The following LAMA1 variants were observed in gnomAD, a reference collection of about 807,000 sequenced individuals.
LAMA1 encodes laminin subunit alpha-1.
Under a neutral mutation model 348.7 loss-of-function variants are expected in LAMA1, and 219 were observed. That is an observed-to-expected ratio of 0.63 (90% confidence interval 0.56 to 0.70). LAMA1 has a LOEUF of 0.70. Ranked by LOEUF, LAMA1 falls within the 30% of genes least tolerant of loss-of-function variation. LAMA1 has a pLI of 0.00. For missense variants in LAMA1, 3,744 were observed against 3,888.0 expected (o/e 0.96, Z 0.99); for synonymous variants, 1,487 against 1,491.0 (o/e 1.00, Z 0.06).
intron 55 of LAMA1, chr18:6,957,285 ACGTTT>A (rs1171664678): frequency 5.8e-6 from 1 of 171,120 alleles, no homozygotes; most frequent in African/African-American, 2.4e-5. Context: ...CTCCACAGAA[ACGTTT>A]CTGCTCTACC....
chr18:7,092,444 T>G (rs542433218), intron 1 of LAMA1, among the ~76,000 whole-genome samples: 1 of 152,136 alleles, frequency 6.6e-6, no homozygotes, highest in East Asian at 1.9e-4. Flanking sequence ...GCTAACATGG[T>G]GAAACCCCAT....
At chr18:7,102,536 A>T (rs1195517758) in intron 1 of LAMA1, among the ~76,000 whole-genome samples, 2 of 152,368 alleles carry the variant, frequency 1.3e-5, no homozygotes, top group East Asian at 3.9e-4. Context: ...GACTTCATGC[A>T]GTAGAAATGT....
At chr18:7,002,046 C>T (rs34760114) in intron 30 of LAMA1, among the ~76,000 whole-genome samples, 13,001 of 152,276 alleles carry the variant, frequency 0.085, 630 homozygotes, top group Middle Eastern at 0.13. Flanking sequence ...TCTTTAATTG[C>T]TTCCATCCAA....
In LAMA1 at chr18:6,993,621, C is replaced by G. The variant is rs745327037; in HGVS notation, c.5008+20G>C. On this transcript the variant is annotated intron_variant, in intron 35 of 62. Coordinates refer to ENST00000389658, the MANE Select transcript of LAMA1 (RefSeq NM_005559.4). Reference sequence around the variant, plus strand: ...ACTAGATAAGCACAGATACTTCAAACTAGACACTGCCCACACTACCTGTGA... The same window carrying G: ...ACTAGATAAGCACAGATACTTCAAAGTAGACACTGCCCACACTACCTGTGA... 2.0e-6 allele frequency: 3 copies of G among 1,526,226 alleles called. No individual in the cohort carries two copies. The South Asian group carries it at 3.4e-5, about 17-fold the overall frequency. 94.5% of individuals were successfully genotyped at this position (1,526,226 alleles called of 1,614,324 possible).
intron 3 of LAMA1, among the ~76,000 whole-genome samples, chr18:7,055,408 G>C (rs1018995958): frequency 3.7e-5 from 5 of 136,954 alleles, no homozygotes; most frequent in Non-Finnish European, 7.6e-5. Context: ...AGCCAAGATC[G>C]CACCACTGCA....
intron 62 of LAMA1, 88 bp from the exon 63 acceptor site, chr18:6,942,327 G>A (rs1269207337): frequency 1.6e-5 from 23 of 1,415,096 alleles, no homozygotes; most frequent in African/African-American, 2.9e-5. Flanking sequence ...AATCTCAAGC[G>A]GGTTTTTTTA....
At chr18:7,080,596 A>G in intron 1 of LAMA1, 139 bp from the exon 2 acceptor site, 1 of 877,778 alleles carries the variant, frequency 1.1e-6, no homozygotes, top group South Asian at 1.5e-5. Flanking sequence ...CAAACACCGT[A>G]TACGCAGCAT....
intron 1 of LAMA1, among the ~76,000 whole-genome samples, chr18:7,100,058 C>CAAAAAAAAAAAAAAAAAAAAAAAAA: frequency 1.3e-5 from 1 of 79,674 alleles, no homozygotes. Flanking sequence ...GACTTTGTCT[C>CAAAAAAAAAAAAAAAAAAAAAAAAA]AAAAAAAAAA....
At chr18:7,026,163 A>C in intron 16 of LAMA1, 57 bp from the exon 17 acceptor site, 1 of 1,584,870 alleles carries the variant, frequency 6.3e-7, no homozygotes, top group Non-Finnish European at 8.6e-7. Context: ...TTTCAGATTT[A>C]TCTATAAGCA....
At chr18:7,064,390 TC>T (rs1460587166) in intron 3 of LAMA1, among the ~76,000 whole-genome samples, 1 of 152,156 alleles carries the variant, frequency 6.6e-6, no homozygotes, top group Non-Finnish European at 1.5e-5. Flanking sequence ...AGGGGCCAAC[TC>T]CATAGAAACC....
intron 16 of LAMA1, among the ~76,000 whole-genome samples, chr18:7,027,909 C>G (rs1379132066): frequency 6.6e-6 from 1 of 152,232 alleles, no homozygotes; most frequent in South Asian, 2.1e-4. Flanking sequence ...CGTGACTGCA[C>G]TCCAGCCTGG....
At chr18:7,087,607 A>T (rs937469195) in intron 1 of LAMA1, among the ~76,000 whole-genome samples, 2 of 152,342 alleles carry the variant, frequency 1.3e-5, no homozygotes, top group East Asian at 3.9e-4. Context: ...CCAGGTTTCA[A>T]ATGGAAATGT....
chr18:6,948,329 T>A, intron 60 of LAMA1, 74 bp downstream of exon 60: 3 of 1,592,278 alleles, frequency 1.9e-6, no homozygotes, highest in Non-Finnish European at 2.6e-6. Flanking sequence ...TCCTGTCTTA[T>A]ACTCTTGGAT....
At position 7,094,068 on chromosome 18, in the gene LAMA1, C is replaced by T. The variant is rs117023737; in HGVS notation, c.62-13611G>A. 3.3e-3 allele frequency among the ~76,000 whole-genome samples: 509 copies of T among 152,210 alleles called. 16 individuals are homozygous for T. The East Asian group carries it at 0.086, about 26-fold the overall frequency. On this transcript the variant is annotated intron_variant, in intron 1 of 62. Coordinates refer to ENST00000389658, the MANE Select transcript of LAMA1 (RefSeq NM_005559.4). ...CCAGGATTATAGGAGTGAGCCACTA[C>T]GCCCAGCCAAGGGCTTCTCCACTTT...
At chr18:6,945,447 A>C (rs918528624) in intron 61 of LAMA1, among the ~76,000 whole-genome samples, 6 of 152,132 alleles carry the variant, frequency 3.9e-5, no homozygotes, top group Admixed American at 1.3e-4. Context: ...GTAGGGAAAT[A>C]CCAGAAACAA....
chr18:7,103,492 T>C (rs1343895706), intron 1 of LAMA1, among the ~76,000 whole-genome samples: 1 of 151,676 alleles, frequency 6.6e-6, no homozygotes, highest in African/African-American at 2.4e-5. Context: ...GTTACCTGGA[T>C]TCTTCCTTGT....
At chr18:6,960,806 T>G (rs1389816615) in intron 53 of LAMA1, 5 of 152,164 alleles carry the variant, frequency 3.3e-5, no homozygotes, top group Non-Finnish European at 7.3e-5. Flanking sequence ...CTCATACCAG[T>G]GGTGTGACCT....
intron 10 of LAMA1, 103 bp from the exon 11 acceptor site, chr18:7,039,053 G>T: frequency 1.1e-6 from 1 of 922,480 alleles, no homozygotes; most frequent in Non-Finnish European, 1.8e-6. Context: ...ACAGAGACAG[G>T]TGAATAAACG....
intron 23 of LAMA1, among the ~76,000 whole-genome samples, chr18:7,012,497 ATATTAT>A (rs35789852): frequency 1.3e-4 from 18 of 143,574 alleles, no homozygotes; most frequent in South Asian, 4.7e-4. Flanking sequence ...TATTATTATT[ATATTAT>A]TATTATTATT....
Sources: gnomAD v4.1 joint callset for allele counts (sites outside exome capture counted in the v4.1 genomes callset) on GRCh38, gnomAD v4.1.1 for gene constraint, MANE v1.5 for transcripts, NCBI Gene and HGNC (gene_info 2026-07-23, HGNC 2026-07-21) for gene names.